Variants in OR2F1 observed in about 807,000 individuals in gnomAD.
OR2F1 encodes olfactory receptor family 2 subfamily F member 1, also known as olfactory receptor 2F1.
For missense variants in OR2F1, 389 were observed against 378.2 expected (o/e 1.03, Z -0.24); for synonymous variants, 146 against 155.3 (o/e 0.94, Z 0.44).
intron 1 of OR2F1, among the ~76,000 whole-genome samples, chr7:143,956,699 TA>T (rs917575827): frequency 6.6e-6 from 1 of 152,160 alleles, no homozygotes; most frequent in African/African-American, 2.4e-5. Flanking sequence ...AAAAAGGACA[TA>T]AAAATTTGTA....
In OR2F1 at chr7:143,960,034, G is replaced by A; in HGVS notation, c.64G>A (p.Asp22Asn). 6.2e-7 allele frequency: 1 copy of A among 1,614,140 alleles called. No homozygotes were observed. Among genetic ancestry groups the A allele is most frequent in the Non-Finnish European group, 8.5e-7 (1 of 1,180,012 alleles). The change falls in exon 3 of 3, where the codon GAC (aspartate) becomes AAC (asparagine). Residue 22 changes from aspartate to asparagine, a missense_variant. Coordinates refer to ENST00000641412, the MANE Select transcript of OR2F1 (RefSeq NM_012369.3). Reference protein sequence around the residue: ...FILLGLSSDWDTRVSLFVLFL... With the variant: ...FILLGLSSDWNTRVSLFVLFL... The stretch of plus-strand genomic sequence containing the variant: ...TCTCCTCGGCCTGTCCAGTGACTGG[G>A]ACACTCGGGTCTCCCTGTTTGTCCT...
intron 1 of OR2F1, 51 bp downstream of exon 1, chr7:143,955,154 T>A (rs2050275484): frequency 6.6e-6 from 1 of 152,210 alleles, no homozygotes; most frequent in African/African-American, 2.4e-5. Flanking sequence ...TATATATTTA[T>A]GGCATAGATT....
rs926020105 is a variant in OR2F1 at position 143,964,152 on chromosome 7, G to C, written c.*3228G>C. 9 of 151,964 alleles carry C rather than the reference G, an allele frequency of 5.9e-5. No individual in the cohort carries two copies. The highest frequency in any genetic ancestry group is 2.2e-4 in the African/African-American group (9 of 41,348). 9.4% of individuals were successfully genotyped at this position (151,964 alleles called of 1,614,324 possible). On this transcript the variant is annotated 3_prime_UTR_variant, in exon 3 of 3. Coordinates refer to ENST00000641412, the MANE Select transcript of OR2F1 (RefSeq NM_012369.3). ...AGACTACACACACTTCTAATTCATA[G>C]CTGCTTGTGAAGGACATTCCCAATA...
chr7:143,959,144 T>A (rs1036793214), intron 2 of OR2F1, 36 bp downstream of exon 2: 9 of 152,146 alleles, frequency 5.9e-5, no homozygotes, highest in African/African-American at 1.9e-4. Context: ...TATTTGTATC[T>A]GAATTTGTGG....
At position 143,964,189 on chromosome 7, in the gene OR2F1, C is replaced by T. The variant is rs1241635254; in HGVS notation, c.*3265C>T. On this transcript the variant is annotated 3_prime_UTR_variant, in exon 3 of 3. Transcript: ENST00000641412. Reference sequence around the variant, plus strand: ...GGACATTCCCAATAGAAGGCATGAACATTGTCTTGATACAGGAATACAAAA... The same window carrying T: ...GGACATTCCCAATAGAAGGCATGAATATTGTCTTGATACAGGAATACAAAA... 1 of 152,058 alleles carries T rather than the reference C, an allele frequency of 6.6e-6. No individual in the cohort carries two copies. The highest frequency in any genetic ancestry group is 1.5e-5 in the Non-Finnish European group (1 of 67,998). The allele number at this position is 152,058 out of a possible 1,614,324, so 9.4% of individuals were successfully genotyped here.
chr7:143,957,692 G>A (rs2050294728), intron 1 of OR2F1, among the ~76,000 whole-genome samples: 2 of 152,156 alleles, frequency 1.3e-5, no homozygotes, highest in African/African-American at 4.8e-5. Flanking sequence ...CTGAAAGAGA[G>A]CATGAAGTCA....
At chr7:143,956,333 C>T (rs114137791) in intron 1 of OR2F1, among the ~76,000 whole-genome samples, 23,210 of 151,946 alleles carry the variant, frequency 0.15, 2,194 homozygotes, top group African/African-American at 0.24. Flanking sequence ...CATATTTCCT[C>T]CTTCAACTGG....
chr7:143,960,364 T>C lies in OR2F1; in HGVS notation c.394T>C (p.Tyr132His). 2 of 1,614,186 alleles carry C rather than the reference T, an allele frequency of 1.2e-6. No homozygotes were observed. The highest frequency in any genetic ancestry group is 1.7e-6 in the Non-Finnish European group (2 of 1,180,028). Residue 132 changes from tyrosine (Y) to histidine (H), a missense_variant, in exon 3 of 3, where the codon TAC becomes CAC. Coordinates refer to ENST00000641412, the MANE Select transcript of OR2F1 (RefSeq NM_012369.3). Reference sequence around the variant, plus strand: ...TGTGGCTGTGTGTGATGCCCTGCGATACTCGGCCATCATGCATGGAGGGCT... The same window carrying C: ...TGTGGCTGTGTGTGATGCCCTGCGACACTCGGCCATCATGCATGGAGGGCT... The part of the protein sequence containing the change: ...RYVAVCDALR[Y>H]SAIMHGGLCA...
At chr7:143,957,815 GCACATTT>G (rs1475001481) in intron 1 of OR2F1, among the ~76,000 whole-genome samples, 1 of 152,086 alleles carries the variant, frequency 6.6e-6, no homozygotes, top group Non-Finnish European at 1.5e-5. Flanking sequence ...CCAATATCAG[GCACATTT>G]CACACATGAA....
Position 143,960,371 on chromosome 7 carries a change from C to T in OR2F1, c.401C>T (p.Ala134Val). 6.2e-7 allele frequency: 1 copy of T among 1,614,160 alleles called. No homozygotes were observed. The highest frequency in any genetic ancestry group is 8.5e-7 in the Non-Finnish European group (1 of 1,180,024). The stretch of plus-strand genomic sequence containing the variant: ...GTGTGTGATGCCCTGCGATACTCGG[C>T]CATCATGCATGGAGGGCTGTGTGCT... ...VAVCDALRYS[A>V]IMHGGLCARL... The change falls in exon 3 of 3, where the codon GCC (alanine) becomes GTC (valine). Residue 134 changes from alanine to valine, a missense_variant. Coordinates refer to ENST00000641412, the MANE Select transcript of OR2F1 (RefSeq NM_012369.3).
At chr7:143,956,856 G>C (rs1193669158) in intron 1 of OR2F1, among the ~76,000 whole-genome samples, 1 of 152,092 alleles carries the variant, frequency 6.6e-6, no homozygotes, top group Non-Finnish European at 1.5e-5. Context: ...GTAAGGAGGA[G>C]ATGGGGGAGA....
chr7:143,960,706 A>G lies in OR2F1; in HGVS notation c.736A>G (p.Thr246Ala). 6.2e-7 allele frequency: 1 copy of G among 1,613,750 alleles called. No homozygotes were observed. Among genetic ancestry groups the G allele is most frequent in the Non-Finnish European group, 8.5e-7 (1 of 1,179,926 alleles). The stretch of plus-strand genomic sequence containing the variant: ...TTTCCACACGTGTGCCTCTCACCTC[A>G]CAGTGGTTGCCCTGTGCTATGGTGT... The part of the protein sequence containing the change: ...KAFHTCASHL[T>A]VVALCYGVAI... The change falls in exon 3 of 3, where the codon ACA (threonine) becomes GCA (alanine). Residue 246 changes from threonine to alanine, a missense_variant. By Grantham distance (58) the Thr-to-Ala change is moderately conservative (BLOSUM62 0). Coordinates refer to ENST00000641412, the MANE Select transcript of OR2F1 (RefSeq NM_012369.3).
Position 143,960,710 on chromosome 7 carries a change from T to C in OR2F1, c.740T>C (p.Val247Ala). 1 of 1,614,090 alleles carries C rather than the reference T, an allele frequency of 6.2e-7. No homozygotes were observed. The highest frequency in any genetic ancestry group is 8.5e-7 in the Non-Finnish European group (1 of 1,179,970). Residue 247 changes from valine (V) to alanine (A), a missense_variant, in exon 3 of 3, where the codon GTG (valine) becomes GCG (alanine). Val to Ala is a moderately conservative substitution (Grantham distance 64). Coordinates refer to ENST00000641412, the MANE Select transcript of OR2F1 (RefSeq NM_012369.3). ...CACACGTGTGCCTCTCACCTCACAGTGGTTGCCCTGTGCTATGGTGTGGCC... is the reference window on the plus strand; with the variant it reads ...CACACGTGTGCCTCTCACCTCACAGCGGTTGCCCTGTGCTATGGTGTGGCC... ...AFHTCASHLT[V>A]VALCYGVAIF...
Position 143,960,860 on chromosome 7 carries a change from T to G in OR2F1, c.890T>G (p.Val297Gly), listed in dbSNP as rs760610809. Residue 297 changes from valine (V) to glycine (G), a missense_variant, in exon 3 of 3, where the codon GTG becomes GGG. Physicochemically the swap from Val to Gly is moderately radical, Grantham distance 109. Transcript: ENST00000641412. ...ATTTACAGCCTAAGGAATAAAGAGG[T>G]GAAGGGGGCCTGGCAGAAACTATTA... ...PMIYSLRNKE[V>G]KGAWQKLLWK... 4.3e-6 allele frequency: 7 copies of G among 1,613,474 alleles called. No individual in the cohort carries two copies. In the East Asian group the frequency reaches 1.3e-4, roughly 31 times the overall value.
Position 143,958,936 on chromosome 7 carries a change from T to A in OR2F1, c.-179-17T>A. 6.6e-6 allele frequency: 1 copy of A among 151,946 alleles called. No individual in the cohort carries two copies. The allele number at this position is 151,946 out of a possible 1,614,324, so 9.4% of individuals were successfully genotyped here. The stretch of plus-strand genomic sequence containing the variant: ...AAAAGCCTAAGCATTCATATGCATG[T>A]TTATTTTCTTTGGCAGCCATAGCAA... On this transcript the variant is annotated splice_polypyrimidine_tract_variant and intron_variant, in intron 1 of 2. Coordinates refer to ENST00000641412, the MANE Select transcript of OR2F1 (RefSeq NM_012369.3).
At position 143,960,060 on chromosome 7, in the gene OR2F1, G is replaced by T; in HGVS notation, c.90G>T (p.Leu30=). 1 of 1,614,132 alleles carries T rather than the reference G, an allele frequency of 6.2e-7. No individual in the cohort carries two copies. Among genetic ancestry groups the T allele is most frequent in the South Asian group, 1.1e-5 (1 of 91,076 alleles). Residue 30 remains leucine (L), a synonymous_variant, in exon 3 of 3, where the codon CTG becomes CTT. Transcript: ENST00000641412. ...ACACTCGGGTCTCCCTGTTTGTCCT[G>T]TTCTTGGTCATGTATGTGGTGACCG... ...DWDTRVSLFV[L]FLVMYVVTVL... is the part of the protein sequence containing the mutation.
intron 1 of OR2F1, among the ~76,000 whole-genome samples, chr7:143,955,956 T>G (rs1278953153): frequency 6.6e-6 from 1 of 152,176 alleles, no homozygotes; most frequent in Non-Finnish European, 1.5e-5. Flanking sequence ...AAGAGCTAAA[T>G]AGGACTATTA....
Position 143,960,876 on chromosome 7 carries a change from G to T in OR2F1, c.906G>T (p.Gln302His), listed in dbSNP as rs562698986. The change falls in exon 3 of 3, where the codon CAG (glutamine) becomes CAT (histidine). Residue 302 changes from glutamine (Q) to histidine (H), a missense_variant. Physicochemically the swap from Gln to His is conservative, Grantham distance 24 (BLOSUM62 0). Coordinates refer to ENST00000641412, the MANE Select transcript of OR2F1 (RefSeq NM_012369.3). ...LRNKEVKGAW[Q>H]KLLWKFSGLT... ...ATAAAGAGGTGAAGGGGGCCTGGCA[G>T]AAACTATTATGGAAATTCTCTGGGT... The T allele has an allele frequency of 6.2e-7, 1 of 1,613,356 alleles. No homozygotes were observed. Among genetic ancestry groups the T allele is most frequent in the Non-Finnish European group, 8.5e-7 (1 of 1,179,734 alleles).
rs576290960 is a variant in OR2F1 at position 143,959,018 on chromosome 7, A to G, written c.-114A>G. 2.6e-5 allele frequency: 4 copies of G among 151,456 alleles called. No homozygotes were observed. Among genetic ancestry groups the G allele is most frequent in the South Asian group, 4.2e-4 (2 of 4,794 alleles). 9.4% of individuals were successfully genotyped at this position (151,456 alleles called of 1,614,324 possible). A position where few individuals can be genotyped will look rare whatever the true frequency, so the allele number is the denominator to read the frequency against. The stretch of plus-strand genomic sequence containing the variant: ...AAAAGAGAGAGACCGAAGTACAATT[A>G]CAATCCCATCCCACAAAAAGGTCAA... On this transcript the variant is annotated 5_prime_UTR_variant, in exon 2 of 3. Coordinates refer to ENST00000641412, the MANE Select transcript of OR2F1 (RefSeq NM_012369.3).
Sources: gnomAD v4.1 joint callset for allele counts (sites outside exome capture counted in the v4.1 genomes callset) on GRCh38, gnomAD v4.1.1 for gene constraint, MANE v1.5 for transcripts, NCBI Gene and HGNC (gene_info 2026-07-23, HGNC 2026-07-21) for gene names.